The following CNTN2 variants were observed in gnomAD, a reference collection of about 807,000 sequenced individuals.
CNTN2 encodes contactin-2.
Under a neutral mutation model 117.5 loss-of-function variants are expected in CNTN2, and 53 were observed. The ratio of observed to expected loss-of-function variants is 0.45; its 90% CI spans 0.36 to 0.57. CNTN2 has a LOEUF of 0.57. Ranked by LOEUF, CNTN2 falls within the 20% of genes least tolerant of loss-of-function variation. The pLI, the probability that CNTN2 is intolerant of heterozygous loss-of-function variation, is 0.00. For synonymous variants in CNTN2, 530 were observed against 561.7 expected, an observed-to-expected ratio of 0.94 and a Z score of 0.80; for missense variants, 1,106 against 1,404.3, an observed-to-expected ratio of 0.79 and a Z score of 3.39.
At chr1:205,070,402 A>G in intron 18 of CNTN2, 24 bp from the exon 19 acceptor site, 1 of 1,556,620 alleles carries the variant, frequency 6.4e-7, no homozygotes, top group Non-Finnish European at 8.8e-7. Flanking sequence ...TGGGAATCCA[A>G]ACCCATTCTG....
chr1:205,057,796 T>C (rs1020945639), intron 2 of CNTN2, 125 bp from the exon 3 acceptor site: 244 of 1,195,464 alleles, frequency 2.0e-4, no homozygotes, highest in Non-Finnish European at 2.8e-4. Flanking sequence ...GGTTACCACA[T>C]TGAACAGTGC....
At chr1:205,072,367 AT>A (rs1654639769) in intron 20 of CNTN2, 115 bp from the exon 21 acceptor site, 1 of 883,168 alleles carries the variant, frequency 1.1e-6, no homozygotes, top group Admixed American at 2.3e-5. Context: ...GCATGACAGA[AT>A]GTGCTGGGTG....
rs1444666913 is a variant in CNTN2, at chr1:205,065,173, C to G, written c.1606C>G (p.Pro536Ala). 1 of 1,614,130 alleles carries G rather than the reference C, an allele frequency of 6.2e-7. No homozygotes were observed. The highest frequency in any genetic ancestry group is 2.2e-5 in the East Asian group (1 of 44,860). Residue 536 changes from proline (P) to alanine (A), a missense_variant, in exon 13 of 23, where the codon CCC becomes GCC. By Grantham distance (27) the Pro-to-Ala change is conservative. Coordinates refer to ENST00000331830, the MANE Select transcript of CNTN2 (RefSeq NM_005076.5). The surrounding 1 kb of genome is among the most constrained non-coding windows in gnomAD (Gnocchi z 4.1). ...LTLQCHASHD[P>A]TMDLTFTWTL... The stretch of plus-strand genomic sequence containing the variant: ...CCTACAGTGCCATGCCTCCCACGAC[C>G]CCACCATGGACCTCACCTTCACCTG...
Position 205,070,004 on chromosome 1 carries a change from A to T in CNTN2, c.2374A>T (p.Asn792Tyr). 2 of 1,613,470 alleles carry T rather than the reference A, an allele frequency of 1.2e-6. No homozygotes were observed. The highest frequency in any genetic ancestry group is 1.7e-6 in the Non-Finnish European group (2 of 1,180,004). The change falls in exon 18 of 23, where the codon AAC (asparagine) becomes TAC (tyrosine). Residue 792 changes from asparagine (N) to tyrosine (Y), a missense_variant. Transcript: ENST00000331830. ...CTTTGAGGTCAAGATCCGCAGCTAC[A>T]ACCGCCGCGGGGATGGGCCCGAGAG... is the stretch of plus-strand genomic sequence containing the variant. ...TPFEVKIRSY[N>Y]RRGDGPESLT...
intron 1 of CNTN2, among the ~76,000 whole-genome samples, chr1:205,049,119 A>G (rs1174615508): frequency 1.3e-5 from 2 of 152,010 alleles, no homozygotes; most frequent in African/African-American, 2.4e-5. Context: ...GAGGGTACCC[A>G]GGATCCCTGG....
In CNTN2 at chr1:205,064,692, C is replaced by A. The variant is rs1292931284; in HGVS notation, c.1461C>A (p.Thr487=). 1 of 1,614,202 alleles carries A rather than the reference C, an allele frequency of 6.2e-7. No individual in the cohort carries two copies. ...NISRSDEGKY[T]CFAENFMGKA... ...GCCGGTCAGATGAAGGCAAATACAC[C>A]TGCTTTGCTGAGAACTTCATGGGCA... The change falls in exon 12 of 23, where the codon ACC becomes ACA. Residue 487 remains threonine (T), a synonymous_variant. Transcript: ENST00000331830.
chr1:205,052,164 G>A (rs1245227890), intron 1 of CNTN2, among the ~76,000 whole-genome samples: 1 of 152,190 alleles, frequency 6.6e-6, no homozygotes, highest in African/African-American at 2.4e-5. Flanking sequence ...GGCCCCTGTG[G>A]AGGCTCTGAG....
chr1:205,058,804 T>A lies in CNTN2; in HGVS notation c.487+141T>A. On this transcript the variant is annotated intron_variant, in intron 5 of 22. Coordinates refer to ENST00000331830, the MANE Select transcript of CNTN2 (RefSeq NM_005076.5). The surrounding 1 kb of genome is among the most constrained non-coding windows in gnomAD (Gnocchi z 4.3). ...TCCCTGGGACCCTAACTTTAAATGA[T>A]CTGTGTTTCCTTTATAGGTCTGTCA... The A allele has an allele frequency of 1.4e-6, 1 of 694,108 alleles. No individual in the cohort carries two copies. The highest frequency in any genetic ancestry group is 2.7e-5 in the East Asian group (1 of 36,804). The allele number at this position is 694,108 out of a possible 1,614,324, so 43.0% of individuals were successfully genotyped here.
At chr1:205,062,639 A>G in intron 10 of CNTN2, 70 bp downstream of exon 10, 5 of 1,542,876 alleles carry the variant, frequency 3.2e-6, no homozygotes, top group Non-Finnish European at 4.4e-6. Flanking sequence ...CTCTGAGTTT[A>G]GGTGTTTCCA....
chr1:205,071,923 C>T, intron 19 of CNTN2, 24 bp from the exon 20 acceptor site: 1 of 1,596,156 alleles, frequency 6.3e-7, no homozygotes, highest in Non-Finnish European at 8.5e-7. Flanking sequence ...ACTACTACCC[C>T]TTGGGTACCC....
At chr1:205,067,451 A>C (rs1654352974) in intron 16 of CNTN2, 2 of 500,916 alleles carry the variant, frequency 4.0e-6, no homozygotes, top group African/African-American at 3.9e-5. Context: ...CAAACTCCTC[A>C]TTTAAAAACT....
chr1:205,053,451 T>C (rs2096456239), intron 2 of CNTN2, among the ~76,000 whole-genome samples, 196 bp downstream of exon 2: 1 of 152,198 alleles, frequency 6.6e-6, no homozygotes, highest in African/African-American at 2.4e-5. Context: ...AGAGGGAATA[T>C]GTCTTTGCCA....
Position 205,074,933 on chromosome 1 carries a change from TAATA to T in CNTN2, c.*1172_*1175del, listed in dbSNP as rs1477358832. 2.5e-6 allele frequency: 1 copy of T among 398,488 alleles called. No homozygotes were observed. The highest frequency in any genetic ancestry group is 4.4e-6 in the Non-Finnish European group (1 of 226,114). The allele number at this position is 398,488 out of a possible 1,614,324, so 24.7% of individuals were successfully genotyped here. On this transcript the variant is annotated 3_prime_UTR_variant, in exon 23 of 23. Coordinates refer to ENST00000331830, the MANE Select transcript of CNTN2 (RefSeq NM_005076.5). ...TGCATTTCCCCGGAGAAAAAGGGGT[TAATA>T]AATGGGCCATCCTTTCCTGAGCTCT... is the stretch of plus-strand genomic sequence containing the variant.
At chr1:205,056,970 C>T (rs1009743340) in intron 2 of CNTN2, among the ~76,000 whole-genome samples, 5 of 152,190 alleles carry the variant, frequency 3.3e-5, no homozygotes, top group African/African-American at 7.2e-5. Context: ...AAGTCACTCC[C>T]TTTTCTGGAC....
At chr1:205,063,636 A>AG (rs1654102490) in intron 10 of CNTN2, 1 of 150,602 alleles carries the variant, frequency 6.6e-6, no homozygotes, top group South Asian at 2.1e-4. Context: ...TTTTAAAAAA[A>AG]AAAAAAGAAG....
In CNTN2 at chr1:205,065,273, G is replaced by A. The variant is rs1654221392; in HGVS notation, c.1695+11G>A. The A allele has an allele frequency of 6.2e-7, 1 of 1,613,668 alleles. No homozygotes were observed. Among genetic ancestry groups the A allele is most frequent in the Admixed American group, 1.7e-5 (1 of 59,972 alleles). On this transcript the variant is annotated intron_variant, in intron 13 of 22. Transcript: ENST00000331830. This position sits in a 1 kb window ranked among gnomAD's most constrained non-coding sequence, Gnocchi z 4.1. Reference sequence around the variant, plus strand: ...CGGAGAACTAATGTGGTGAGACCTAGGGCCAGAGCCCCATGGCTTCTCCCT... The same window carrying A: ...CGGAGAACTAATGTGGTGAGACCTAAGGCCAGAGCCCCATGGCTTCTCCCT...
intron 2 of CNTN2, chr1:205,057,619 A>G (rs1247405534): frequency 3.8e-6 from 1 of 260,382 alleles, no homozygotes; most frequent in African/African-American, 2.2e-5. Context: ...CAGGTGCTCA[A>G]TACCTAAGTG....
At chr1:205,064,772 G>C in intron 12 of CNTN2, 22 bp downstream of exon 12, 1 of 1,612,806 alleles carries the variant, frequency 6.2e-7, no homozygotes, top group Non-Finnish European at 8.5e-7. Context: ...CATGTGGGTA[G>C]GCCGGGGGCT....
In CNTN2 at chr1:205,069,304, A is replaced by T. The variant is rs1654458467; in HGVS notation, c.2126-187A>T. ...CAGGGAAGCACAGCTAGTAAATGGC[A>T]GAGGTGGGATTTGATTTCAGGACTG... On this transcript the variant is annotated intron_variant, in intron 16 of 22. Coordinates refer to ENST00000331830, the MANE Select transcript of CNTN2 (RefSeq NM_005076.5). 7.1e-6 allele frequency: 4 copies of T among 564,644 alleles called. No individual in the cohort carries two copies. The East Asian group carries it at 1.2e-4, about 17-fold the overall frequency. 35.0% of individuals were successfully genotyped at this position (564,644 alleles called of 1,614,324 possible).
Sources: allele counts gnomAD v4.1 joint callset (sites outside exome capture counted in the v4.1 genomes callset), GRCh38; gene constraint gnomAD v4.1.1; non-coding constraint Gnocchi (gnomAD v3.1); transcripts MANE v1.5; gene names NCBI Gene and HGNC (gene_info 2026-07-23, HGNC 2026-07-21).